Variants in DDAH1 observed in about 807,000 individuals in gnomAD.
DDAH1 encodes N(G),N(G)-dimethylarginine dimethylaminohydrolase 1.
A neutral mutation model predicts 28.8 loss-of-function variants in DDAH1; 19 were observed. The ratio of observed to expected loss-of-function variants is 0.66; its 90% CI spans 0.46 to 0.97. DDAH1 has a LOEUF of 0.97. DDAH1 is among the 50% of genes least tolerant of loss of function. The pLI, the probability that DDAH1 is intolerant of heterozygous loss-of-function variation, is 0.00. For missense variants in DDAH1, 326 were observed against 375.9 expected, an observed-to-expected ratio of 0.87 and a Z score of 1.10; for synonymous variants, 153 against 154.4, an observed-to-expected ratio of 0.99 and a Z score of 0.07.
At chr1:85,423,372 TAAC>T (rs1200822944) in intron 1 of DDAH1, among the ~76,000 whole-genome samples, 3 of 152,190 alleles carry the variant, frequency 2.0e-5, no homozygotes, top group African/African-American at 7.2e-5. Flanking sequence ...ATTAACATCT[TAAC>T]AATTTGAGTC....
At chr1:85,560,604 C>A (rs1659110046) in intron 1 of DDAH1, among the ~76,000 whole-genome samples, 1 of 151,600 alleles carries the variant, frequency 6.6e-6, no homozygotes, top group Non-Finnish European at 1.5e-5. Context: ...TGAAGAGAGA[C>A]TAGTAAGTTT....
intron 1 of DDAH1, among the ~76,000 whole-genome samples, chr1:85,511,371 A>G (rs1283699828): frequency 2.0e-5 from 3 of 152,244 alleles, no homozygotes; most frequent in African/African-American, 7.2e-5. Flanking sequence ...GGAAATTTAT[A>G]GCACTAAACG....
At position 85,464,416 on chromosome 1, in the gene DDAH1, C is replaced by G. The variant is rs570847882; in HGVS notation, c.303+327G>C. The stretch of plus-strand genomic sequence containing the variant: ...CGCGGCCCTCGCTCCCTGGGAAACA[C>G]TCAGAGTTGCACTGTCGTCGCTGCC... On this transcript the variant is annotated intron_variant, in intron 1 of 5. Coordinates refer to ENST00000284031, the MANE Select transcript of DDAH1 (RefSeq NM_012137.4). The surrounding 1 kb of genome is among the most constrained non-coding windows in gnomAD (Gnocchi z 4.4). 109 of 1,336,892 alleles carry G rather than the reference C, an allele frequency of 8.2e-5. No homozygotes were observed. In the East Asian group the frequency reaches 3.7e-3, roughly 46 times the overall value. The allele number at this position is 1,336,892 out of a possible 1,614,324, so 82.8% of individuals were successfully genotyped here. A position where few individuals can be genotyped will look rare whatever the true frequency, so the allele number is the denominator to read the frequency against.
intron 1 of DDAH1, among the ~76,000 whole-genome samples, chr1:85,515,666 C>CAG (rs1220998961): frequency 6.6e-6 from 1 of 151,714 alleles, no homozygotes; most frequent in Admixed American, 6.6e-5. Flanking sequence ...CTTTGTACTC[C>CAG]AGTATGTGGA....
chr1:85,576,143 C>G (rs1659596886), intron 1 of DDAH1, among the ~76,000 whole-genome samples: 1 of 151,252 alleles, frequency 6.6e-6, no homozygotes, highest in Admixed American at 6.6e-5. Context: ...AATGGGGCAT[C>G]TGAGAATTAA....
chr1:85,481,889 TGCA>T (rs1230640930), intron 2 of DDAH1, among the ~76,000 whole-genome samples: 1 of 152,252 alleles, frequency 6.6e-6, no homozygotes, highest in African/African-American at 2.4e-5. Context: ...AGTCACTTCC[TGCA>T]GCCATACAGT....
At chr1:85,529,504 C>T (rs2100772046) in intron 1 of DDAH1, among the ~76,000 whole-genome samples, 1 of 150,520 alleles carries the variant, frequency 6.6e-6, no homozygotes, top group South Asian at 2.1e-4. Flanking sequence ...TGGACTGGCC[C>T]CTTCCTCAGT....
intron 1 of DDAH1, among the ~76,000 whole-genome samples, chr1:85,571,931 T>C (rs1659468184): frequency 6.6e-6 from 1 of 151,684 alleles, no homozygotes; most frequent in Admixed American, 6.6e-5. Context: ...CCACCCAACA[T>C]TCAATGCTCA....
intron 2 of DDAH1, among the ~76,000 whole-genome samples, chr1:85,489,817 G>A (rs1049787710): frequency 4.6e-5 from 7 of 152,294 alleles, no homozygotes; most frequent in East Asian, 1.9e-4. Context: ...AGTATTTTAG[G>A]AGACAGAATC....
intron 1 of DDAH1, among the ~76,000 whole-genome samples, chr1:85,547,689 A>G (rs576029872): frequency 6.6e-6 from 1 of 152,352 alleles, no homozygotes. Context: ...ACTGGGCACA[A>G]GAGTGATTGA....
In DDAH1 at chr1:85,542,205, T is replaced by C. The variant is rs539417909; in HGVS notation, c.-123+35779A>G. On this transcript the variant is annotated intron_variant, in intron 1 of 6. Transcript: ENST00000426972. ...CCTGAACACTGTCTATAATACAACATGGGAATGCCTATAAGAAGCTGGTGT... is the reference window on the plus strand; with the variant it reads ...CCTGAACACTGTCTATAATACAACACGGGAATGCCTATAAGAAGCTGGTGT... Among the ~76,000 whole-genome samples the C allele has an allele frequency of 8.1e-4, 123 of 152,306 alleles. 1 individual carries two copies. Among genetic ancestry groups the C allele is most frequent in the African/African-American group, 2.9e-3 (121 of 41,560 alleles).
intron 1 of DDAH1, among the ~76,000 whole-genome samples, chr1:85,513,322 C>T (rs200246775): frequency 6.6e-6 from 1 of 152,152 alleles, no homozygotes; most frequent in Admixed American, 6.5e-5. Flanking sequence ...AACTGGATCC[C>T]TTCCTTATAC....
chr1:85,361,812 G>A (rs1649811621), intron 1 of DDAH1, among the ~76,000 whole-genome samples: 1 of 152,166 alleles, frequency 6.6e-6, no homozygotes, highest in Non-Finnish European at 1.5e-5. Context: ...TTATTAGCCA[G>A]TGTCCTCAGG....
intron 2 of DDAH1, among the ~76,000 whole-genome samples, chr1:85,483,458 T>G (rs1656080421): frequency 6.6e-6 from 1 of 152,142 alleles, no homozygotes; most frequent in Admixed American, 6.5e-5. Context: ...GTAAAAAATC[T>G]TTAGTATTTT....
chr1:85,526,591 C>T (rs1399750408), intron 1 of DDAH1, among the ~76,000 whole-genome samples: 1 of 151,092 alleles, frequency 6.6e-6, no homozygotes, highest in Non-Finnish European at 1.5e-5. Flanking sequence ...GAGAAAGATG[C>T]TGGGTTTGGC....
chr1:85,465,180 C>T (rs1655320643), upstream of DDAH1: 1 of 1,140,048 alleles, frequency 8.8e-7, no homozygotes. Context: ...GAGCCCAGCT[C>T]GCGCCCGGAG....
chr1:85,488,463 G>A (rs1656279469), intron 2 of DDAH1: 1 of 152,170 alleles, frequency 6.6e-6, no homozygotes, highest in Admixed American at 6.5e-5. Flanking sequence ...CATCATGAGA[G>A]TCCCACCCTC....
chr1:85,363,799 G>C (rs922273888), intron 1 of DDAH1, among the ~76,000 whole-genome samples: 8 of 151,922 alleles, frequency 5.3e-5, no homozygotes, highest in African/African-American at 1.5e-4. Context: ...CCACTTGCTA[G>C]TACACTTGGC....
At chr1:85,460,422 A>C (rs1241669861) in intron 1 of DDAH1, among the ~76,000 whole-genome samples, 2 of 152,164 alleles carry the variant, frequency 1.3e-5, no homozygotes, top group Non-Finnish European at 2.9e-5. Flanking sequence ...GCCCCTACAA[A>C]TGCAAAAGCT....
Sources: allele counts gnomAD v4.1 joint callset (sites outside exome capture counted in the v4.1 genomes callset), GRCh38; gene constraint gnomAD v4.1.1; non-coding constraint Gnocchi (gnomAD v3.1); transcripts MANE v1.5; gene names NCBI Gene and HGNC (gene_info 2026-07-23, HGNC 2026-07-21).